ASTN2: variants seen among roughly 807,000 people sequenced by gnomAD.
ASTN2 encodes the protein astrotactin 2.
In ASTN2, 54 loss-of-function variants were observed where a neutral mutation model predicts 139.8. The observed-to-expected ratio is 0.39, with a 90% CI of 0.31 to 0.48. ASTN2 has a LOEUF of 0.48. Ranked by LOEUF, ASTN2 falls within the 20% of genes least tolerant of loss-of-function variation. The pLI, the probability that ASTN2 is intolerant of heterozygous loss-of-function variation, is 0.95. For missense variants in ASTN2, 1,565 were observed against 1,725.1 expected (o/e 0.91, Z 1.64); for synonymous variants, 756 against 719.5 (o/e 1.05, Z -0.81).
rs1031041628 is a variant in ASTN2, at chr9:116,566,998, A to C, written c.3355+51326T>G. Reference sequence around the variant, plus strand: ...CTTTGATGTTTTATCCCATCTCAGCATCTGCTTCTCAGAGGATCCAAGCTA... The same window carrying C: ...CTTTGATGTTTTATCCCATCTCAGCCTCTGCTTCTCAGAGGATCCAAGCTA... On this transcript the variant is annotated intron_variant, in intron 19 of 22. Transcript: ENST00000313400. Among the ~76,000 whole-genome samples the C allele has an allele frequency of 2.6e-5, 4 of 152,162 alleles. No individual in the cohort carries two copies. In the South Asian group the frequency reaches 8.3e-4, roughly 32 times the overall value.
chr9:117,016,656 AACC>A lies in ASTN2; in HGVS notation c.1424-8400_1424-8398del, dbSNP rs371852088. The stretch of plus-strand genomic sequence containing the variant: ...TATATATATATATATATATATATAT[AACC>A]TATATATATGTTACATATATATAGG... On this transcript the variant is annotated intron_variant, in intron 6 of 22. Transcript: ENST00000313400. Among the ~76,000 whole-genome samples the A allele has an allele frequency of 9.1e-3, 244 of 26,770 alleles. 16 individuals are homozygous for A. Among genetic ancestry groups the A allele is most frequent in the African/African-American group, 0.018 (147 of 7,962 alleles). 17.6% of individuals were successfully genotyped at this position (26,770 alleles called of 152,430 possible).
chr9:117,121,025 G>C (rs1829545340), intron 4 of ASTN2, among the ~76,000 whole-genome samples: 1 of 152,150 alleles, frequency 6.6e-6, no homozygotes, highest in South Asian at 2.1e-4. Flanking sequence ...CACAGTATGT[G>C]TCCATTAATA....
intron 11 of ASTN2, among the ~76,000 whole-genome samples, chr9:116,830,815 GA>G (rs1831791167): frequency 6.8e-6 from 1 of 147,050 alleles, no homozygotes; most frequent in Non-Finnish European, 1.5e-5. Context: ...AGAAGAAGAA[GA>G]AAAAAAGAAA....
intron 10 of ASTN2, among the ~76,000 whole-genome samples, chr9:116,929,540 G>T (rs1376974292): frequency 1.3e-5 from 2 of 152,118 alleles, no homozygotes; most frequent in African/African-American, 4.8e-5. Context: ...ACTCTGTGCT[G>T]CATCTTGGAA....
intron 16 of ASTN2, among the ~76,000 whole-genome samples, chr9:116,669,602 AT>A (rs1312134899): frequency 6.6e-6 from 1 of 152,000 alleles, no homozygotes. Flanking sequence ...TCTTCAGCCC[AT>A]TTTTTTATTT....
chr9:116,776,346 T>C (rs1342288715), intron 13 of ASTN2, among the ~76,000 whole-genome samples: 1 of 152,218 alleles, frequency 6.6e-6, no homozygotes, highest in African/African-American at 2.4e-5. Flanking sequence ...TTTGTCTTAA[T>C]CTTTTCAATA....
chr9:116,493,648 G>T (rs1849586352), intron 19 of ASTN2, among the ~76,000 whole-genome samples: 1 of 136,096 alleles, frequency 7.3e-6, no homozygotes, highest in African/African-American at 2.5e-5. Context: ...CCTCCTCCTT[G>T]TTTCCCCTCT....
Position 117,073,071 on chromosome 9 carries a change from A to G in ASTN2, c.1276+22973T>C, listed in dbSNP as rs568432363. Among the ~76,000 whole-genome samples the G allele has an allele frequency of 5.8e-4, 88 of 152,326 alleles. No homozygotes were observed. The South Asian group carries it at 8.5e-3, about 15-fold the overall frequency. ...ATCTGTAAAAAACAGAGAAAGTCAA[A>G]GATGATATAGTGCAGCACAAATTCA... On this transcript the variant is annotated intron_variant, in intron 5 of 22. Coordinates refer to ENST00000313400, the MANE Select transcript of ASTN2 (RefSeq NM_001365068.1).
chr9:116,697,419 T>C (rs980302991), intron 16 of ASTN2: 7 of 346,646 alleles, frequency 2.0e-5, no homozygotes, highest in Non-Finnish European at 3.3e-5. Flanking sequence ...TAATTCCTTA[T>C]GGTCATGCAG....
chr9:116,454,439 C>T (rs987717390), intron 20 of ASTN2, among the ~76,000 whole-genome samples: 14 of 151,862 alleles, frequency 9.2e-5, no homozygotes, highest in African/African-American at 3.1e-4. Context: ...AACACTTTTA[C>T]ACTGTTGGTG....
At chr9:117,189,700 G>A (rs74799709) in intron 3 of ASTN2, among the ~76,000 whole-genome samples, 1,996 of 152,210 alleles carry the variant, frequency 0.013, 34 homozygotes, top group East Asian at 0.091. Flanking sequence ...ACTGGACCCC[G>A]GTGTGTCTGG....
intron 1 of ASTN2, among the ~76,000 whole-genome samples, chr9:117,310,303 A>G (rs1191865602): frequency 6.6e-6 from 1 of 152,074 alleles, no homozygotes; most frequent in Non-Finnish European, 1.5e-5. Flanking sequence ...CTAAGAGAAG[A>G]TCTTGGAGGC....
intron 7 of ASTN2, among the ~76,000 whole-genome samples, chr9:116,982,785 T>C (rs1050743621): frequency 6.6e-6 from 1 of 152,162 alleles, no homozygotes; most frequent in Non-Finnish European, 1.5e-5. Flanking sequence ...GAGGCTGAGA[T>C]CTTGTTCAAA....
intron 11 of ASTN2, among the ~76,000 whole-genome samples, chr9:116,827,303 C>A (rs1831662314): frequency 9.3e-6 from 1 of 107,596 alleles, no homozygotes; most frequent in Non-Finnish European, 1.9e-5. Flanking sequence ...GAGCAAAACT[C>A]CATCCCCCCC....
chr9:116,767,526 TC>T (rs1588276313), intron 13 of ASTN2, among the ~76,000 whole-genome samples: 1 of 152,154 alleles, frequency 6.6e-6, no homozygotes, highest in Non-Finnish European at 1.5e-5. Flanking sequence ...AGCTGACAGC[TC>T]CTAATAGCAC....
At chr9:116,610,884 A>G (rs571746639) in intron 19 of ASTN2, 20 of 147,324 alleles carry the variant, frequency 1.4e-4, no homozygotes, top group African/African-American at 4.6e-4. Flanking sequence ...TCTCTCAAAT[A>G]TTGATACAAG....
In ASTN2 at chr9:116,805,701, T is replaced by C. The variant is rs368074879; in HGVS notation, c.2327A>G (p.Glu776Gly). Reference sequence around the variant, plus strand: ...CCGGTTGTTGTAACCATGTAGCATCTCTCCAAAGAGGGTATCATTGAATTT... The same window carrying C: ...CCGGTTGTTGTAACCATGTAGCATCCCTCCAAAGAGGGTATCATTGAATTT... ...DSKFNDTLFG[E>G]MLHGYNNRTQ... The change falls in exon 13 of 23, where the codon GAG (glutamate) becomes GGG (glycine). Residue 776 changes from glutamate (E) to glycine (G), a missense_variant. Transcript: ENST00000313400. 2.5e-6 allele frequency: 4 copies of C among 1,613,822 alleles called. No individual in the cohort carries two copies. The highest frequency in any genetic ancestry group is 2.7e-5 in the African/African-American group (2 of 74,894).
chr9:116,576,487 G>C (rs946007657), intron 19 of ASTN2, among the ~76,000 whole-genome samples: 1 of 152,134 alleles, frequency 6.6e-6, no homozygotes. Context: ...AGATGATTTA[G>C]GTGGCCCCCA....
intron 20 of ASTN2, among the ~76,000 whole-genome samples, chr9:116,479,663 A>G (rs987964788): frequency 6.6e-6 from 1 of 152,238 alleles, no homozygotes; most frequent in Non-Finnish European, 1.5e-5. Flanking sequence ...CCCACATACA[A>G]TTGTGTGTGT....
Sources: allele counts gnomAD v4.1 joint callset (sites outside exome capture counted in the v4.1 genomes callset), GRCh38; gene constraint gnomAD v4.1.1; transcripts MANE v1.5; gene names NCBI Gene and HGNC (gene_info 2026-07-23, HGNC 2026-07-21).